Variants in GABBR2 observed in about 807,000 individuals in gnomAD.
GABBR2 encodes the protein gamma-aminobutyric acid type B receptor subunit 2, also known as G-protein coupled receptor 51.
GABBR2 carries 23 observed loss-of-function variants against 105.6 expected under a neutral mutation model. That is an observed-to-expected ratio of 0.22 (90% confidence interval 0.16 to 0.31). The LOEUF is 0.31. Ranked by LOEUF, GABBR2 falls within the 10% of genes least tolerant of loss-of-function variation. GABBR2 has a pLI of 1.00. For missense variants in GABBR2, 734 were observed against 1,245.5 expected, an observed-to-expected ratio of 0.59 and a Z score of 6.18; for synonymous variants, 478 against 499.7, an observed-to-expected ratio of 0.96 and a Z score of 0.58.
At chr9:98,412,887 A>T (rs2131541257) in intron 7 of GABBR2, among the ~76,000 whole-genome samples, 1 of 152,310 alleles carries the variant, frequency 6.6e-6, no homozygotes, top group East Asian at 1.9e-4. Flanking sequence ...TGGGTTCCCC[A>T]CTCAGTCTAT....
In GABBR2 at chr9:98,388,215, G is replaced by C. The variant is rs980756231; in HGVS notation, c.1529+639C>G. Reference sequence around the variant, plus strand: ...TCTGGAGAATTAAGGGCACGTGGTGGGGAAAAGAAATTAAGACAAGAAACC... The same window carrying C: ...TCTGGAGAATTAAGGGCACGTGGTGCGGAAAAGAAATTAAGACAAGAAACC... On this transcript the variant is annotated intron_variant, in intron 10 of 18. Coordinates refer to ENST00000259455, the MANE Select transcript of GABBR2 (RefSeq NM_005458.8). The surrounding 1 kb of genome is among the most constrained non-coding windows in gnomAD (Gnocchi z 4.4). Among the ~76,000 whole-genome samples, 2 of 152,204 alleles carry C rather than the reference G, an allele frequency of 1.3e-5. No homozygotes were observed. Among genetic ancestry groups the C allele is most frequent in the African/African-American group, 4.8e-5 (2 of 41,444 alleles).
intron 1 of GABBR2, among the ~76,000 whole-genome samples, chr9:98,590,047 C>T (rs1438223559): frequency 1.3e-5 from 2 of 152,174 alleles, no homozygotes; most frequent in African/African-American, 2.4e-5. Flanking sequence ...TTATCTTATT[C>T]GCCTCTGTCC....
chr9:98,383,555 G>C (rs1832017705), intron 11 of GABBR2, among the ~76,000 whole-genome samples: 1 of 152,168 alleles, frequency 6.6e-6, no homozygotes, highest in Non-Finnish European at 1.5e-5. Flanking sequence ...CTCCAGGAGA[G>C]GAGAGGGGCC....
chr9:98,454,264 G>T lies in GABBR2; in HGVS notation c.1000-47C>A. On this transcript the variant is annotated intron_variant, in intron 6 of 18. Coordinates refer to ENST00000259455, the MANE Select transcript of GABBR2 (RefSeq NM_005458.8). The surrounding 1 kb of genome is among the most constrained non-coding windows in gnomAD (Gnocchi z 4.6). ...GGAATCCCAAGTTATACTCGGCAGG[G>T]ACATCAGGTGCCTGATGCCGAGAAG... 7.7e-7 allele frequency: 1 copy of T among 1,294,010 alleles called. No homozygotes were observed. The highest frequency in any genetic ancestry group is 1.2e-5 in the South Asian group (1 of 84,490). The allele number at this position is 1,294,010 out of a possible 1,614,324, so 80.2% of individuals were successfully genotyped here. A position where few individuals can be genotyped will look rare whatever the true frequency, so the allele number is the denominator to read the frequency against.
Position 98,356,855 on chromosome 9 carries a change from T to C in GABBR2, c.1893+5860A>G, listed in dbSNP as rs950966114. Among the ~76,000 whole-genome samples the C allele has an allele frequency of 2.6e-5, 4 of 152,228 alleles. No individual in the cohort carries two copies. In the East Asian group the frequency reaches 7.7e-4, roughly 29 times the overall value. Reference sequence around the variant, plus strand: ...TAAAAAGAAATGAGCTACCAGGAAATAGGATATTATTCACTGATAAAAAGA... The same window carrying C: ...TAAAAAGAAATGAGCTACCAGGAAACAGGATATTATTCACTGATAAAAAGA... On this transcript the variant is annotated intron_variant, in intron 13 of 18. Transcript: ENST00000259455.
At chr9:98,632,276 C>T (rs1414046173) in intron 1 of GABBR2, among the ~76,000 whole-genome samples, 2 of 152,152 alleles carry the variant, frequency 1.3e-5, no homozygotes, top group Non-Finnish European at 2.9e-5. Flanking sequence ...TCCTCATCTG[C>T]AAAATGGAAA....
chr9:98,437,839 C>T (rs568530032), intron 7 of GABBR2, among the ~76,000 whole-genome samples: 23 of 151,158 alleles, frequency 1.5e-4, no homozygotes, highest in Middle Eastern at 3.5e-3. Context: ...TGTATCCATC[C>T]GCTGTCCACA....
intron 7 of GABBR2, among the ~76,000 whole-genome samples, chr9:98,418,367 C>T (rs2131550345): frequency 6.6e-6 from 1 of 152,038 alleles, no homozygotes; most frequent in African/African-American, 2.4e-5. Context: ...GAGACCCCGT[C>T]CCTATAAAAA....
chr9:98,580,745 G>A (rs988251169), intron 1 of GABBR2, among the ~76,000 whole-genome samples: 2 of 152,136 alleles, frequency 1.3e-5, no homozygotes, highest in South Asian at 2.1e-4. Context: ...CCGAGATCGC[G>A]CCCTGCACTC....
Position 98,687,900 on chromosome 9 carries a change from T to C in GABBR2, c.321+20517A>G, listed in dbSNP as rs553364739. Among the ~76,000 whole-genome samples, 9 of 152,270 alleles carry C rather than the reference T, an allele frequency of 5.9e-5. No individual in the cohort carries two copies. The South Asian group carries it at 1.9e-3, about 32-fold the overall frequency. On this transcript the variant is annotated intron_variant, in intron 1 of 18. Transcript: ENST00000259455. The stretch of plus-strand genomic sequence containing the variant: ...TCTAAGATGAATCCAAAGCCACCAA[T>C]GGAAGTGTTTTCTCTCATCTCTGGG...
chr9:98,406,984 C>G (rs1832501652), intron 7 of GABBR2, among the ~76,000 whole-genome samples: 1 of 152,182 alleles, frequency 6.6e-6, no homozygotes, highest in Non-Finnish European at 1.5e-5. Context: ...TTTTGCAGAT[C>G]AAGAAACTGA....
At chr9:98,448,897 A>G (rs971055962) in intron 7 of GABBR2, among the ~76,000 whole-genome samples, 2 of 150,292 alleles carry the variant, frequency 1.3e-5, no homozygotes, top group African/African-American at 4.9e-5. Context: ...TTGTTTTAAG[A>G]GACTGGAAAC....
chr9:98,558,653 C>T (rs926006008), intron 2 of GABBR2, among the ~76,000 whole-genome samples: 2 of 152,204 alleles, frequency 1.3e-5, no homozygotes, highest in Non-Finnish European at 2.9e-5. Context: ...CTATCCTGAG[C>T]AAACATGACC....
At chr9:98,659,533 T>C (rs1016951770) in intron 1 of GABBR2, among the ~76,000 whole-genome samples, 4 of 146,250 alleles carry the variant, frequency 2.7e-5, no homozygotes, top group African/African-American at 1.0e-4. Context: ...TTTCTTTTTT[T>C]TTTTTTTTGA....
intron 14 of GABBR2, among the ~76,000 whole-genome samples, chr9:98,309,022 A>ATT (rs1830595872): frequency 2.0e-5 from 3 of 152,176 alleles, no homozygotes; most frequent in Non-Finnish European, 2.9e-5. Flanking sequence ...GTGGACCCAA[A>ATT]GGGCTGTGTG....
chr9:98,541,868 C>T lies in GABBR2; in HGVS notation c.630+5G>A, dbSNP rs1345055741. 11 of 1,613,452 alleles carry T rather than the reference C, an allele frequency of 6.8e-6. No homozygotes were observed. The highest frequency in any genetic ancestry group is 2.2e-5 in the South Asian group (2 of 91,008). On this transcript the variant is annotated splice_donor_5th_base_variant and intron_variant, in intron 3 of 18. Coordinates refer to ENST00000259455, the MANE Select transcript of GABBR2 (RefSeq NM_005458.8). Reference sequence around the variant, plus strand: ...GCAGGCCGTGTCCACACAAGCCGAGCGTACCTCAGAGAACCTCTGAACGTC... The same window carrying T: ...GCAGGCCGTGTCCACACAAGCCGAGTGTACCTCAGAGAACCTCTGAACGTC...
At chr9:98,408,515 G>A (rs1456010506) in intron 7 of GABBR2, among the ~76,000 whole-genome samples, 1 of 152,198 alleles carries the variant, frequency 6.6e-6, no homozygotes, top group Non-Finnish European at 1.5e-5. Flanking sequence ...GACAAGACCA[G>A]GTATGAGGGA....
intron 13 of GABBR2, among the ~76,000 whole-genome samples, chr9:98,361,662 G>A (rs374988309): frequency 2.6e-5 from 4 of 152,156 alleles, no homozygotes; most frequent in East Asian, 3.9e-4. Context: ...CCCTTGGCCC[G>A]TGGGCAGAGC....
chr9:98,515,473 G>A (rs1271729538), intron 3 of GABBR2, among the ~76,000 whole-genome samples: 1 of 152,124 alleles, frequency 6.6e-6, no homozygotes, highest in Admixed American at 6.5e-5. Context: ...CAAAGTGGGT[G>A]ATTTGTCCTC....
Sources: gnomAD v4.1 joint callset for allele counts (sites outside exome capture counted in the v4.1 genomes callset) on GRCh38, gnomAD v4.1.1 for gene constraint, Gnocchi (gnomAD v3.1) non-coding constraint, MANE v1.5 for transcripts, NCBI Gene and HGNC (gene_info 2026-07-23, HGNC 2026-07-21) for gene names.